Variants in ENTPD1 observed in about 807,000 individuals in gnomAD.
ENTPD1 encodes ATP diphosphohydrolase.
ENTPD1 carries 33 observed loss-of-function variants against 57.0 expected under a neutral mutation model. The observed-to-expected ratio is 0.58, with a 90% CI of 0.44 to 0.77. The LOEUF (loss-of-function observed/expected upper bound fraction) is 0.77. ENTPD1 is among the 30% of genes least tolerant of loss of function. The probability of loss-of-function intolerance (pLI) is 0.00; values close to 1 mark genes in which losing one functional copy is unlikely to be tolerated. For missense variants in ENTPD1, 501 were observed against 603.4 expected (o/e 0.83, Z 1.78); for synonymous variants, 202 against 218.8 (o/e 0.92, Z 0.68).
At chr10:95,702,949 A>AT in the ENTPD1 span, among the ~76,000 whole-genome samples, 31 of 148,268 alleles carry the variant, frequency 2.1e-4, no homozygotes, top group African/African-American at 5.7e-4. Flanking sequence ...GCCAGGCTAA[A>AT]TTTTTTTTTT....
intron 1 of ENTPD1, among the ~76,000 whole-genome samples, chr10:95,822,035 C>G (rs546785840): frequency 8.3e-6 from 1 of 120,238 alleles, no homozygotes; most frequent in South Asian, 2.8e-4. Context: ...GAGTTTCACT[C>G]TGTCTCCAGG....
intron 1 of ENTPD1, among the ~76,000 whole-genome samples, chr10:95,815,912 A>G (rs1041020404): frequency 1.3e-5 from 2 of 152,318 alleles, no homozygotes; most frequent in Middle Eastern, 3.4e-3. Context: ...AGGACTTTAT[A>G]GGCGGCCATC....
chr10:95,742,695 A>G (rs1298064671), intron 1 of ENTPD1, among the ~76,000 whole-genome samples: 3 of 152,208 alleles, frequency 2.0e-5, no homozygotes, highest in Admixed American at 1.3e-4. Flanking sequence ...TGTGGATACA[A>G]TGAATTCTGT....
intron 1 of ENTPD1, among the ~76,000 whole-genome samples, chr10:95,745,613 G>A (rs984374707): frequency 6.6e-6 from 1 of 152,190 alleles, no homozygotes; most frequent in East Asian, 1.9e-4. Flanking sequence ...GAACATTTAT[G>A]TAAGAGAATC....
chr10:95,775,492 G>A (rs1300127480), intron 1 of ENTPD1, among the ~76,000 whole-genome samples: 2 of 152,156 alleles, frequency 1.3e-5, no homozygotes, highest in Non-Finnish European at 2.9e-5. Context: ...TTATTATTTT[G>A]AGATATGTTC....
At chr10:95,726,087 T>G (rs952239193) in intron 1 of ENTPD1, among the ~76,000 whole-genome samples, 7 of 152,236 alleles carry the variant, frequency 4.6e-5, no homozygotes, top group Non-Finnish European at 8.8e-5. Flanking sequence ...TTTCCCATTG[T>G]TGTTACCCAA....
intron 1 of ENTPD1, among the ~76,000 whole-genome samples, chr10:95,712,263 T>C (rs1473956681): frequency 6.6e-6 from 1 of 152,168 alleles, no homozygotes; most frequent in Non-Finnish European, 1.5e-5. Context: ...GGGTAGGACA[T>C]GGGCCTAAAC....
chr10:95,827,221 A>C (rs2098380331), intron 2 of ENTPD1, among the ~76,000 whole-genome samples: 1 of 152,248 alleles, frequency 6.6e-6, no homozygotes. Flanking sequence ...TGGGAGGCTG[A>C]GGTGGGTGGA....
chr10:95,722,688 C>T (rs891814064), intron 1 of ENTPD1, among the ~76,000 whole-genome samples: 14 of 152,082 alleles, frequency 9.2e-5, no homozygotes, highest in Non-Finnish European at 1.9e-4. Context: ...GGAGATATAC[C>T]ATTGTGGTTT....
intron 1 of ENTPD1, among the ~76,000 whole-genome samples, chr10:95,793,941 T>C (rs1240616686): frequency 1.3e-5 from 2 of 152,188 alleles, no homozygotes; most frequent in Non-Finnish European, 2.9e-5. Flanking sequence ...GTCACAGTGG[T>C]CAATCCAATT....
the ENTPD1 span, among the ~76,000 whole-genome samples, chr10:95,694,394 A>G: frequency 6.6e-6 from 1 of 150,808 alleles, no homozygotes; most frequent in African/African-American, 2.5e-5. Flanking sequence ...TACCTTAAAA[A>G]ACAGTCTCCT....
rs753358713 is a variant in ENTPD1, at chr10:95,844,521, G to T, written c.459G>T (p.Glu153Asp). ...ELADRVLDVVERSLSNYPFDF... is the reference protein window; with the variant it reads ...ELADRVLDVVDRSLSNYPFDF... ...CAGACAGGGTTCTGGATGTGGTGGA[G>T]AGGAGCCTCAGCAACTACCCCTTTG... Residue 153 changes from glutamate (E) to aspartate (D), a missense_variant, in exon 5 of 10, where the codon GAG (glutamate) becomes GAT (aspartate). Physicochemically the swap from Glu to Asp is conservative, Grantham distance 45. Coordinates refer to ENST00000371205, the MANE Select transcript of ENTPD1 (RefSeq NM_001776.6). 10 of 1,614,230 alleles carry T rather than the reference G, an allele frequency of 6.2e-6. 1 individual carries two copies. In the South Asian group the frequency reaches 7.7e-5, roughly 12 times the overall value.
Position 95,866,149 on chromosome 10 carries a change from A to G in ENTPD1, c.1327-28A>G, listed in dbSNP as rs1210466779. The G allele has an allele frequency of 1.9e-6, 3 of 1,604,426 alleles. No homozygotes were observed. In the East Asian group the frequency reaches 6.8e-5, roughly 36 times the overall value. On this transcript the variant is annotated intron_variant, in intron 9 of 9. Transcript: ENST00000371205. Reference sequence around the variant, plus strand: ...GATAACTCTTCTAACTCCTCCAACCACAAACAGACTTTCCCCACTGTTTGC... The same window carrying G: ...GATAACTCTTCTAACTCCTCCAACCGCAAACAGACTTTCCCCACTGTTTGC...
rs569222531 is a variant in ENTPD1, at chr10:95,714,376, A to T, written c.37+2383A>T. The stretch of plus-strand genomic sequence containing the variant: ...AATAAATAAACGTTAAAGTTTGAAA[A>T]CTTAATTTACCAGTTATTTTTCTTA... On this transcript the variant is annotated intron_variant, in intron 1 of 9. Coordinates refer to the ENTPD1 transcript ENST00000453258. 1.2e-4 allele frequency among the ~76,000 whole-genome samples: 18 copies of T among 152,272 alleles called. No individual in the cohort carries two copies. In the South Asian group the frequency reaches 3.7e-3, roughly 32 times the overall value.
At chr10:95,848,619 A>G (rs1447897369) in intron 7 of ENTPD1, among the ~76,000 whole-genome samples, 1 of 152,184 alleles carries the variant, frequency 6.6e-6, no homozygotes, top group African/African-American at 2.4e-5. Context: ...TTTTGGAATC[A>G]GACATCCAAG....
chr10:95,841,946 A>G, intron 3 of ENTPD1, among the ~76,000 whole-genome samples: 1 of 152,036 alleles, frequency 6.6e-6, no homozygotes, highest in Middle Eastern at 3.4e-3. Flanking sequence ...AATTTGTCTG[A>G]CGCTTAATTT....
At chr10:95,764,130 C>T (rs1166943302) in intron 1 of ENTPD1, among the ~76,000 whole-genome samples, 1 of 152,186 alleles carries the variant, frequency 6.6e-6, no homozygotes, top group Non-Finnish European at 1.5e-5. Context: ...AAACCTCATA[C>T]CTATTAATGG....
chr10:95,857,146 A>G (rs1044891741), intron 7 of ENTPD1, among the ~76,000 whole-genome samples: 13 of 152,220 alleles, frequency 8.5e-5, no homozygotes, highest in African/African-American at 3.1e-4. Context: ...GGTCATGGGA[A>G]ATTTTTCAAG....
intron 7 of ENTPD1, among the ~76,000 whole-genome samples, chr10:95,858,745 G>T (rs909558171): frequency 6.6e-6 from 1 of 152,222 alleles, no homozygotes; most frequent in African/African-American, 2.4e-5. Flanking sequence ...TACCAGTTCA[G>T]AGGCTAAATG....
Sources: gnomAD v4.1 joint callset for allele counts (sites outside exome capture counted in the v4.1 genomes callset) on GRCh38, gnomAD v4.1.1 for gene constraint, MANE v1.5 for transcripts, NCBI Gene and HGNC (gene_info 2026-07-23, HGNC 2026-07-21) for gene names.